PDSS2: variants seen among roughly 807,000 people sequenced by gnomAD.
The protein encoded by PDSS2 is decaprenyl diphosphate synthase subunit 2.
In PDSS2, 31 loss-of-function variants were observed where a neutral mutation model predicts 44.5. The ratio of observed to expected loss-of-function variants is 0.70; its 90% CI spans 0.52 to 0.94. The LOEUF (loss-of-function observed/expected upper bound fraction) is 0.94. Among genes scored for constraint, PDSS2 ranks in the 40% least tolerant of loss-of-function variants. The pLI is 0.00. For missense variants in PDSS2, 452 were observed against 482.2 expected (o/e 0.94, Z 0.59); for synonymous variants, 157 against 180.3 (o/e 0.87, Z 1.03).
At chr6:107,363,680 T>A (rs1393038681) in intron 1 of PDSS2, among the ~76,000 whole-genome samples, 1 of 152,196 alleles carries the variant, frequency 6.6e-6, no homozygotes, top group Non-Finnish European at 1.5e-5. Context: ...TTGCCAATAC[T>A]GGCTCGGGCA....
At chr6:107,400,055 G>A (rs1477931288) in intron 1 of PDSS2, among the ~76,000 whole-genome samples, 1 of 152,098 alleles carries the variant, frequency 6.6e-6, no homozygotes, top group Non-Finnish European at 1.5e-5. Flanking sequence ...TGAATTCCCA[G>A]TATGTGAGTG....
At chr6:107,430,680 G>A (rs1781167078) in intron 1 of PDSS2, among the ~76,000 whole-genome samples, 1 of 151,704 alleles carries the variant, frequency 6.6e-6, no homozygotes. Flanking sequence ...GTGGTAGTGG[G>A]TGCCTGTAAT....
At chr6:107,416,127 A>G (rs576483690) in intron 1 of PDSS2, among the ~76,000 whole-genome samples, 51 of 152,280 alleles carry the variant, frequency 3.3e-4, no homozygotes, top group Non-Finnish European at 5.7e-4. Flanking sequence ...ACTTTATTCT[A>G]TTTACTGTTA....
chr6:107,245,646 TA>T, intron 3 of PDSS2, 27 bp from the exon 4 acceptor site: 1 of 1,372,748 alleles, frequency 7.3e-7, no homozygotes. Context: ...AAAATAAAAA[TA>T]AAAAAATTTA....
chr6:107,339,502 G>A (rs1051524738), intron 1 of PDSS2, among the ~76,000 whole-genome samples: 2 of 152,314 alleles, frequency 1.3e-5, no homozygotes, highest in South Asian at 2.1e-4. Flanking sequence ...AACCAGGCAT[G>A]GAGCTTGCAG....
At chr6:107,305,443 A>T (rs1021850816) in intron 2 of PDSS2, among the ~76,000 whole-genome samples, 2 of 152,160 alleles carry the variant, frequency 1.3e-5, no homozygotes, top group Admixed American at 6.5e-5. Context: ...TAAATGAAAA[A>T]TTTTGTTATA....
chr6:107,177,424 A>C (rs1771834241), intron 7 of PDSS2, among the ~76,000 whole-genome samples: 1 of 152,226 alleles, frequency 6.6e-6, no homozygotes, highest in Non-Finnish European at 1.5e-5. Context: ...GGCGTGAGCC[A>C]CCATGCGCAG....
At chr6:107,192,400 C>A in intron 7 of PDSS2, 4 of 503,550 alleles carry the variant, frequency 7.9e-6, no homozygotes, top group Admixed American at 4.3e-5. Flanking sequence ...GGGAAAAAGT[C>A]AAAAATCAAA....
intron 1 of PDSS2, among the ~76,000 whole-genome samples, chr6:107,410,481 T>C (rs1459355998): frequency 3.8e-4 from 1 of 2,626 alleles, no homozygotes; most frequent in East Asian, 1.9e-3. Context: ...CTGTTTTTTG[T>C]TTGTTTGTTT....
chr6:107,418,653 T>C (rs1190292529), intron 1 of PDSS2, among the ~76,000 whole-genome samples: 1 of 152,104 alleles, frequency 6.6e-6, no homozygotes, highest in East Asian at 1.9e-4. Context: ...CAGGCACCTG[T>C]AGTCCCAGCT....
At chr6:107,376,288 A>G (rs1291866347) in intron 1 of PDSS2, among the ~76,000 whole-genome samples, 1 of 151,750 alleles carries the variant, frequency 6.6e-6, no homozygotes, top group East Asian at 1.9e-4. Flanking sequence ...GTTTTTTCCA[A>G]TTCTGTGAAG....
intron 2 of PDSS2, among the ~76,000 whole-genome samples, chr6:107,328,534 C>A (rs1029227078): frequency 6.6e-6 from 1 of 152,086 alleles, no homozygotes; most frequent in Non-Finnish European, 1.5e-5. Context: ...CCTCAGCCTC[C>A]CAAAGTGCTG....
chr6:107,330,469 T>C (rs1777678253), intron 2 of PDSS2, among the ~76,000 whole-genome samples: 1 of 152,186 alleles, frequency 6.6e-6, no homozygotes, highest in Non-Finnish European at 1.5e-5. Flanking sequence ...TGCTTTTAAC[T>C]ACTAGTTAGA....
At chr6:107,196,690 G>A (rs76651060) in intron 6 of PDSS2, among the ~76,000 whole-genome samples, 152 of 152,248 alleles carry the variant, frequency 1.0e-3, no homozygotes, top group African/African-American at 3.6e-3. Context: ...GTATGTTAAC[G>A]AGCTGACTGA....
intron 4 of PDSS2, among the ~76,000 whole-genome samples, chr6:107,226,668 A>ATT (rs61088823): frequency 0.21 from 27,905 of 132,090 alleles, 3,251 homozygotes; most frequent in East Asian, 0.35. Context: ...GGATTTTGGA[A>ATT]TTTTTTTTTT....
intron 1 of PDSS2, among the ~76,000 whole-genome samples, chr6:107,343,817 G>C (rs1778154251): frequency 6.6e-6 from 1 of 152,084 alleles, no homozygotes; most frequent in Non-Finnish European, 1.5e-5. Flanking sequence ...ATTTTTCTGT[G>C]TGCTTGAAAT....
chr6:107,239,344 G>A (rs141961718), intron 4 of PDSS2, among the ~76,000 whole-genome samples: 1 of 152,056 alleles, frequency 6.6e-6, no homozygotes, highest in Non-Finnish European at 1.5e-5. Context: ...ATGTGAAATT[G>A]TTCAGTAAAT....
At chr6:107,296,263 A>C (rs933568713) in intron 2 of PDSS2, among the ~76,000 whole-genome samples, 1 of 152,140 alleles carries the variant, frequency 6.6e-6, no homozygotes, top group African/African-American at 2.4e-5. Context: ...TCCTTTGTCT[A>C]GTATGAAAGA....
chr6:107,394,093 A>C (rs1242093147), intron 1 of PDSS2, among the ~76,000 whole-genome samples: 1 of 151,712 alleles, frequency 6.6e-6, no homozygotes, highest in Non-Finnish European at 1.5e-5. Flanking sequence ...CCATCTTACT[A>C]TTTGTTTTCT....
Sources: gnomAD v4.1 joint callset for allele counts (sites outside exome capture counted in the v4.1 genomes callset) on GRCh38, gnomAD v4.1.1 for gene constraint, MANE v1.5 for transcripts, NCBI Gene and HGNC (gene_info 2026-07-23, HGNC 2026-07-21) for gene names.